Variants in SLC5A10 observed in about 807,000 individuals in gnomAD.
SLC5A10 encodes the protein sodium/mannose cotransporter SLC5A10.
Under a neutral mutation model 68.9 loss-of-function variants are expected in SLC5A10, and 55 were observed. That is an observed-to-expected ratio of 0.80 (90% CI 0.64 to 1.00). SLC5A10 has a LOEUF of 1.00. Among genes scored for constraint, SLC5A10 ranks in the 50% least tolerant of loss-of-function variants. SLC5A10 has a pLI of 0.00. For missense variants in SLC5A10, 732 were observed against 819.3 expected, an observed-to-expected ratio of 0.89 and a Z score of 1.30; for synonymous variants, 344 against 344.8, an observed-to-expected ratio of 1.00 and a Z score of 0.02.
chr17:18,985,353 G>A (rs975976463), intron 9 of SLC5A10, among the ~76,000 whole-genome samples: 1 of 152,194 alleles, frequency 6.6e-6, no homozygotes, highest in African/African-American at 2.4e-5. Context: ...CACAGCTGGG[G>A]CTCAGGACTG....
At chr17:19,010,169 G>A (rs577935643) in intron 9 of SLC5A10, among the ~76,000 whole-genome samples, 1 of 151,986 alleles carries the variant, frequency 6.6e-6, no homozygotes, top group Non-Finnish European at 1.5e-5. Context: ...GGTGGGTTTC[G>A]AAGTTCCCTT....
intron 9 of SLC5A10, among the ~76,000 whole-genome samples, chr17:18,986,704 T>C (rs1035866087): frequency 2.6e-5 from 4 of 152,358 alleles, no homozygotes; most frequent in African/African-American, 9.6e-5. Flanking sequence ...TTAGGGTCCC[T>C]GCTCCAAACC....
chr17:19,019,141 C>T (rs760107179), intron 11 of SLC5A10: 25 of 416,126 alleles, frequency 6.0e-5, no homozygotes, highest in African/African-American at 3.1e-4. Context: ...AGCTCCATGG[C>T]GGAGCTCCAA....
At chr17:18,976,734 G>A in intron 8 of SLC5A10, 120 bp from the exon 9 acceptor site, 1 of 1,362,252 alleles carries the variant, frequency 7.3e-7, no homozygotes, top group Non-Finnish European at 9.9e-7. Context: ...TTTTGGGCAG[G>A]TCAGAGGCTA....
chr17:19,019,561 G>A lies in SLC5A10; in HGVS notation c.1380G>A (p.Leu460=), dbSNP rs748694739. The A allele has an allele frequency of 1.1e-4, 179 of 1,611,940 alleles. 1 individual carries two copies. In the Admixed American group the frequency reaches 3.0e-3, roughly 27 times the overall value. Residue 460 remains leucine, a synonymous_variant, in exon 12 of 15, where the codon CTG becomes CTA. Coordinates refer to ENST00000395645, the MANE Select transcript of SLC5A10 (RefSeq NM_001042450.4). The stretch of plus-strand genomic sequence containing the variant: ...CACCAGTGACTGCAGTCTTTGTCCT[G>A]GGCGTCTTCTGGCGACGTGCCAACG... ...LAPPVTAVFV[L]GVFWRRANEQ... is the part of the protein sequence containing the mutation.
At chr17:19,016,598 G>C (rs985170890) in intron 11 of SLC5A10, among the ~76,000 whole-genome samples, 1 of 152,216 alleles carries the variant, frequency 6.6e-6, no homozygotes, top group Non-Finnish European at 1.5e-5. Flanking sequence ...TCAGGCTTCT[G>C]TTGGAAGGGC....
intron 9 of SLC5A10, among the ~76,000 whole-genome samples, chr17:18,999,634 A>G (rs1358129018): frequency 6.6e-6 from 1 of 152,238 alleles, no homozygotes; most frequent in Non-Finnish European, 1.5e-5. Flanking sequence ...TAAGCACCTC[A>G]TTAAGCTGCT....
chr17:19,000,263 T>C lies in SLC5A10; in HGVS notation c.983-13147T>C, dbSNP rs8064539. Among the ~76,000 whole-genome samples, 22,576 of 152,106 alleles carry C rather than the reference T, an allele frequency of 0.15. 3,420 individuals are homozygous for C. The highest frequency in any genetic ancestry group is 0.4 in the East Asian group (2,080 of 5,156). ...GGCACAAGCTGCTGAGAGTGAGACC[T>C]GGGACCCACCCGCCTCTTGTCCCAG... On this transcript the variant is annotated intron_variant, in intron 9 of 14. Coordinates refer to ENST00000395645, the MANE Select transcript of SLC5A10 (RefSeq NM_001042450.4). The surrounding 1 kb of genome is among the most constrained non-coding windows in gnomAD (Gnocchi z 5.2).
chr17:18,979,804 G>A (rs1463864105), intron 9 of SLC5A10: 1 of 1,036,988 alleles, frequency 9.6e-7, no homozygotes, highest in Admixed American at 2.1e-5. Context: ...GAGGCTGTAA[G>A]GCCTGGAGAA....
At chr17:18,978,618 C>T (rs376887547) in intron 9 of SLC5A10, 12 of 1,613,006 alleles carry the variant, frequency 7.4e-6, no homozygotes, top group African/African-American at 2.7e-5. Flanking sequence ...TTGACAAGTG[C>T]GTACTTGGGG....
At chr17:18,955,422 C>T (rs929429350) in intron 1 of SLC5A10, among the ~76,000 whole-genome samples, 4 of 152,212 alleles carry the variant, frequency 2.6e-5, no homozygotes, top group Admixed American at 2.6e-4. Flanking sequence ...GGACTAAGAA[C>T]TCCACACAGA....
intron 9 of SLC5A10, among the ~76,000 whole-genome samples, chr17:18,987,817 G>A (rs2043308883): frequency 6.6e-6 from 1 of 152,228 alleles, no homozygotes; most frequent in Non-Finnish European, 1.5e-5. Context: ...GGAATTCTAA[G>A]GAGACAGATT....
At chr17:18,995,576 G>T (rs1253777270) in intron 9 of SLC5A10, among the ~76,000 whole-genome samples, 1 of 152,054 alleles carries the variant, frequency 6.6e-6, no homozygotes, top group African/African-American at 2.4e-5. Flanking sequence ...AAATAAATAA[G>T]AAAAAAATGG....
chr17:18,969,356 G>A lies in SLC5A10; in HGVS notation c.574G>A (p.Val192Ile). The A allele has an allele frequency of 1.2e-6, 2 of 1,613,580 alleles. No homozygotes were observed. Among genetic ancestry groups the A allele is most frequent in the South Asian group, 1.1e-5 (1 of 91,080 alleles). Residue 192 changes from valine to isoleucine, a missense_variant, in exon 7 of 15, where the codon GTA becomes ATA. Val to Ile is a conservative substitution (Grantham distance 29, BLOSUM62 3). Transcript: ENST00000395645. ...LYTIAGGLAA[V>I]IYTDALQTLI... The stretch of plus-strand genomic sequence containing the variant: ...TCCACTGGCAGGGGGCCTGGCTGCT[G>A]TAATCTACACGGACGCCCTGCAGAC...
At chr17:18,974,596 C>A (rs2042934294) in intron 8 of SLC5A10, among the ~76,000 whole-genome samples, 1 of 152,230 alleles carries the variant, frequency 6.6e-6, no homozygotes, top group South Asian at 2.1e-4. Context: ...TCAGTCATAA[C>A]AGCAACCACA....
chr17:18,972,004 T>C (rs1440215834), intron 8 of SLC5A10, among the ~76,000 whole-genome samples: 1 of 152,194 alleles, frequency 6.6e-6, no homozygotes, highest in African/African-American at 2.4e-5. Context: ...CAGCCTCCTC[T>C]ATTCCGACAC....
At position 19,013,536 on chromosome 17, in the gene SLC5A10, G is replaced by A; in HGVS notation, c.1090+19G>A. 6.9e-7 allele frequency: 1 copy of A among 1,439,914 alleles called. No individual in the cohort carries two copies. The highest frequency in any genetic ancestry group is 9.1e-7 in the Non-Finnish European group (1 of 1,095,134). The allele number at this position is 1,439,914 out of a possible 1,614,324, so 89.2% of individuals were successfully genotyped here. On this transcript the variant is annotated intron_variant, in intron 10 of 14. Coordinates refer to ENST00000395645, the MANE Select transcript of SLC5A10 (RefSeq NM_001042450.4). The stretch of plus-strand genomic sequence containing the variant: ...CCCATCGGTGAGGCTGTGTGGGTGG[G>A]GGTCTGGGTGGAGGGCGTGGGGTTG...
chr17:18,971,697 C>T lies in SLC5A10; in HGVS notation c.846+479C>T, dbSNP rs760009556. ...TACCTAGGGGGTCCTGGGAAGCCGTCTTTATCCCTAGTCCCTGAGGCAGGG... is the reference window on the plus strand; with the variant it reads ...TACCTAGGGGGTCCTGGGAAGCCGTTTTTATCCCTAGTCCCTGAGGCAGGG... On this transcript the variant is annotated intron_variant, in intron 8 of 14. Coordinates refer to ENST00000395645, the MANE Select transcript of SLC5A10 (RefSeq NM_001042450.4). This position sits in a 1 kb window ranked among gnomAD's most constrained non-coding sequence, Gnocchi z 5.5. 1.6e-5 allele frequency: 25 copies of T among 1,605,326 alleles called. No homozygotes were observed. The East Asian group carries it at 2.2e-4, about 14-fold the overall frequency.
intron 9 of SLC5A10, among the ~76,000 whole-genome samples, chr17:19,002,649 G>A (rs543582561): frequency 1.3e-5 from 2 of 152,368 alleles, no homozygotes; most frequent in African/African-American, 4.8e-5. Context: ...GCTTGGAAAC[G>A]ATGAGAAGGT....
Sources: gnomAD v4.1 joint callset for allele counts (sites outside exome capture counted in the v4.1 genomes callset) on GRCh38, gnomAD v4.1.1 for gene constraint, Gnocchi (gnomAD v3.1) non-coding constraint, MANE v1.5 for transcripts, NCBI Gene and HGNC (gene_info 2026-07-23, HGNC 2026-07-21) for gene names.